ARHGAP28: variants seen among roughly 807,000 people sequenced by gnomAD.
ARHGAP28 encodes rho GTPase-activating protein 28.
A neutral mutation model predicts 90.7 loss-of-function variants in ARHGAP28; 56 were observed. That is an observed-to-expected ratio of 0.62 (90% CI 0.50 to 0.77). ARHGAP28 has a LOEUF of 0.77. ARHGAP28 is among the 30% of genes least tolerant of loss of function. The pLI is 0.00. For synonymous variants in ARHGAP28, 308 were observed against 323.3 expected (o/e 0.95, Z 0.51); for missense variants, 869 against 900.9 (o/e 0.96, Z 0.45).
intron 1 of ARHGAP28, among the ~76,000 whole-genome samples, chr18:6,763,007 C>G (rs1429146172): frequency 6.6e-6 from 1 of 152,154 alleles, no homozygotes; most frequent in Non-Finnish European, 1.5e-5. Flanking sequence ...ATAACAACAC[C>G]AAAACTATAC....
chr18:6,831,256 T>A (rs921198317), intron 2 of ARHGAP28, among the ~76,000 whole-genome samples: 20 of 152,184 alleles, frequency 1.3e-4, no homozygotes, highest in Non-Finnish European at 2.8e-4. Context: ...GACTATTTTT[T>A]AAAACTTTTT....
intron 1 of ARHGAP28, among the ~76,000 whole-genome samples, chr18:6,734,329 G>GT (rs1017239784): frequency 5.3e-5 from 8 of 151,790 alleles, no homozygotes; most frequent in Middle Eastern, 3.4e-3. Flanking sequence ...GAAGTACAAT[G>GT]TTTTTTTTGT....
At chr18:6,745,800 A>T (rs1251340937) in intron 1 of ARHGAP28, among the ~76,000 whole-genome samples, 6 of 152,214 alleles carry the variant, frequency 3.9e-5, no homozygotes, top group Admixed American at 3.9e-4. Flanking sequence ...GAAAGTGCCA[A>T]TAATGTGTAC....
chr18:6,846,080 T>G (rs2056863803), intron 3 of ARHGAP28, among the ~76,000 whole-genome samples: 1 of 152,176 alleles, frequency 6.6e-6, no homozygotes, highest in Non-Finnish European at 1.5e-5. Context: ...GCATCGTGAA[T>G]AGGAGCGATA....
intron 1 of ARHGAP28, among the ~76,000 whole-genome samples, chr18:6,801,138 C>T (rs943828762): frequency 4.6e-5 from 7 of 152,068 alleles, no homozygotes; most frequent in East Asian, 1.9e-4. Context: ...TTAGATTTTA[C>T]GTTTAGGTCT....
intron 6 of ARHGAP28, 62 bp downstream of exon 6, chr18:6,868,296 A>G (rs915363546): frequency 7.7e-6 from 11 of 1,430,672 alleles, no homozygotes; most frequent in Non-Finnish European, 1.1e-5. Flanking sequence ...CTGGCACTCA[A>G]TACAGTTAGC....
At chr18:6,763,303 G>A (rs113510877) in intron 1 of ARHGAP28, among the ~76,000 whole-genome samples, 16,791 of 151,962 alleles carry the variant, frequency 0.11, 1,225 homozygotes, top group Non-Finnish European at 0.15. Context: ...GGCTGGTCTC[G>A]AACTCCTGAC....
chr18:6,775,568 G>A (rs1037415001), intron 1 of ARHGAP28, among the ~76,000 whole-genome samples: 1 of 152,144 alleles, frequency 6.6e-6, no homozygotes, highest in Admixed American at 6.5e-5. Context: ...AAGCAAAACC[G>A]AGGGCAATGA....
intron 3 of ARHGAP28, among the ~76,000 whole-genome samples, chr18:6,838,491 G>A (rs2056771060): frequency 6.6e-6 from 1 of 152,174 alleles, no homozygotes; most frequent in Non-Finnish European, 1.5e-5. Context: ...TTGCATTTGT[G>A]CTAACAGTGT....
At chr18:6,808,871 C>A (rs2056537301) in intron 1 of ARHGAP28, among the ~76,000 whole-genome samples, 1 of 152,176 alleles carries the variant, frequency 6.6e-6, no homozygotes, top group Non-Finnish European at 1.5e-5. Context: ...TTAATTTTTG[C>A]CTGATCTTGA....
chr18:6,795,372 G>C (rs1277558131), intron 1 of ARHGAP28, among the ~76,000 whole-genome samples: 3 of 152,042 alleles, frequency 2.0e-5, no homozygotes, highest in African/African-American at 7.2e-5. Context: ...CTTCCTCGGG[G>C]AACAGTGTGT....
rs545248018 is a variant in ARHGAP28, at chr18:6,875,497, A to G, written c.1213-634A>G. Among the ~76,000 whole-genome samples the G allele has an allele frequency of 5.9e-5, 9 of 152,320 alleles. No individual in the cohort carries two copies. In the East Asian group the frequency reaches 1.2e-3, roughly 20 times the overall value. ...GAGAAGCACTGTGAGGTGCTTTATT[A>G]CAGTGAATCGAACTGTTCTCCTTAG... On this transcript the variant is annotated intron_variant, in intron 9 of 17. Coordinates refer to ENST00000383472, the MANE Select transcript of ARHGAP28 (RefSeq NM_001366230.1).
chr18:6,887,117 G>C, intron 11 of ARHGAP28, 40 bp from the exon 12 acceptor site: 1 of 1,559,768 alleles, frequency 6.4e-7, no homozygotes, highest in Non-Finnish European at 8.8e-7. Context: ...GATGCATCAG[G>C]GCTATTTAAA....
rs569895475 is a variant in ARHGAP28 at position 6,736,522 on chromosome 18, C to T, written c.122+6579C>T. Among the ~76,000 whole-genome samples the T allele has an allele frequency of 1.1e-4, 16 of 151,826 alleles. No homozygotes were observed. The South Asian group carries it at 3.3e-3, about 32-fold the overall frequency. On this transcript the variant is annotated intron_variant, in intron 1 of 17. Coordinates refer to ENST00000383472, the MANE Select transcript of ARHGAP28 (RefSeq NM_001366230.1). ...TGGGAGGCCGAGGTGAGCGGATCACCTGAGGTCGGGAGTTCGAGACCAGCC... is the reference window on the plus strand; with the variant it reads ...TGGGAGGCCGAGGTGAGCGGATCACTTGAGGTCGGGAGTTCGAGACCAGCC...
At position 6,908,954 on chromosome 18, in the gene ARHGAP28, T is replaced by C; in HGVS notation, c.2031-6T>C. 1.3e-6 allele frequency: 2 copies of C among 1,500,910 alleles called. No homozygotes were observed. Among genetic ancestry groups the C allele is most frequent in the East Asian group, 2.3e-5 (1 of 44,182 alleles). The allele number at this position is 1,500,910 out of a possible 1,614,324, so 93.0% of individuals were successfully genotyped here. A position where few individuals can be genotyped will look rare whatever the true frequency, so the allele number is the denominator to read the frequency against. On this transcript the variant is annotated splice_region_variant and splice_polypyrimidine_tract_variant and intron_variant, in intron 16 of 17. Coordinates refer to ENST00000383472, the MANE Select transcript of ARHGAP28 (RefSeq NM_001366230.1). Reference sequence around the variant, plus strand: ...TAAAATTATATTATTTTCTCATTTTTTTCAGTCATGGTTCATCAGAATGTA... The same window carrying C: ...TAAAATTATATTATTTTCTCATTTTCTTCAGTCATGGTTCATCAGAATGTA...
In ARHGAP28 at chr18:6,851,093, G is replaced by A; in HGVS notation, c.603G>A (p.Glu201=). The change falls in exon 4 of 18, where the codon GAG becomes GAA. Residue 201 remains glutamate (E), a synonymous_variant. Transcript: ENST00000383472. ...NQLDGTKEER[E]LPRVIKTSGS... is the part of the protein sequence containing the mutation. ...TGGATGGCACCAAGGAAGAAAGAGAGCTTCCAAGAGTTATCAAGACAAGTG... is the reference window on the plus strand; with the variant it reads ...TGGATGGCACCAAGGAAGAAAGAGAACTTCCAAGAGTTATCAAGACAAGTG... 2 of 1,614,108 alleles carry A rather than the reference G, an allele frequency of 1.2e-6. No homozygotes were observed.
At chr18:6,831,001 A>T (rs2056710934) in intron 2 of ARHGAP28, among the ~76,000 whole-genome samples, 1 of 152,224 alleles carries the variant, frequency 6.6e-6, no homozygotes, top group South Asian at 2.1e-4. Flanking sequence ...AGAAACTGTG[A>T]AACTGCCAGC....
chr18:6,913,546 A>C lies in ARHGAP28; in HGVS notation c.*1392A>C, dbSNP rs181668739. The C allele has an allele frequency of 1.3e-3, 195 of 152,330 alleles. 1 individual carries two copies. The highest frequency in any genetic ancestry group is 4.4e-3 in the African/African-American group (185 of 41,586). The allele number at this position is 152,330 out of a possible 1,614,324, so 9.4% of individuals were successfully genotyped here. ...TAGACAAAGTTGCTCACAAATACAG[A>C]AAACATCTTTTTGTCTACTTCGCAA... On this transcript the variant is annotated 3_prime_UTR_variant, in exon 18 of 18. Transcript: ENST00000383472.
At chr18:6,843,803 G>A (rs1404116687) in intron 3 of ARHGAP28, among the ~76,000 whole-genome samples, 3 of 152,160 alleles carry the variant, frequency 2.0e-5, no homozygotes, top group Non-Finnish European at 4.4e-5. Context: ...GCAAGGTGAA[G>A]AATGACAATT....
Sources: gnomAD v4.1 joint callset for allele counts (sites outside exome capture counted in the v4.1 genomes callset) on GRCh38, gnomAD v4.1.1 for gene constraint, MANE v1.5 for transcripts, NCBI Gene and HGNC (gene_info 2026-07-23, HGNC 2026-07-21) for gene names.